The following LVRN variants were observed in gnomAD, a reference collection of about 807,000 sequenced individuals.
The protein encoded by LVRN is laeverin, also known as aminopeptidase Q.
In LVRN, 99 loss-of-function variants were observed where a neutral mutation model predicts 111.4. The ratio of observed to expected loss-of-function variants is 0.89; its 90% CI spans 0.76 to 1.05. The LOEUF is 1.05. Ranked by LOEUF, LVRN falls within the 50% of genes least tolerant of loss-of-function variation. The probability of loss-of-function intolerance (pLI) is 0.00; values close to 1 mark genes in which losing one functional copy is unlikely to be tolerated. For missense variants in LVRN, 1,414 were observed against 1,206.8 expected (o/e 1.17, Z -2.54); for synonymous variants, 488 against 449.5 (o/e 1.09, Z -1.08).
intron 13 of LVRN, among the ~76,000 whole-genome samples, chr5:116,007,379 A>G (rs1001652178): frequency 1.5e-4 from 23 of 152,182 alleles, no homozygotes; most frequent in African/African-American, 5.3e-4. Flanking sequence ...TCATCGGCCC[A>G]TCACACTAAT....
At chr5:115,983,490 T>C in intron 2 of LVRN, 61 bp downstream of exon 2, 4 of 1,500,194 alleles carry the variant, frequency 2.7e-6, no homozygotes, top group Non-Finnish European at 3.6e-6. Context: ...TAATCACATT[T>C]ATACCAGTAG....
At chr5:115,990,255 C>T (rs1240535579) in intron 4 of LVRN, among the ~76,000 whole-genome samples, 2 of 152,066 alleles carry the variant, frequency 1.3e-5, no homozygotes, top group Non-Finnish European at 2.9e-5. Context: ...TGACACTTTC[C>T]CTGTAGGCTA....
chr5:116,017,072 G>A (rs1463757741), intron 18 of LVRN, among the ~76,000 whole-genome samples: 1 of 152,144 alleles, frequency 6.6e-6, no homozygotes, highest in Non-Finnish European at 1.5e-5. Context: ...AGGGCTTTTG[G>A]GGATTTAAGG....
intron 14 of LVRN, among the ~76,000 whole-genome samples, chr5:116,011,962 A>T (rs1377201347): frequency 6.6e-6 from 1 of 152,034 alleles, no homozygotes; most frequent in Non-Finnish European, 1.5e-5. Context: ...AGGAATGTAT[A>T]CTTAGCATGG....
intron 19 of LVRN, among the ~76,000 whole-genome samples, chr5:116,023,158 T>C (rs1207972881): frequency 6.6e-6 from 1 of 152,194 alleles, no homozygotes; most frequent in African/African-American, 2.4e-5. Context: ...TCCTCGCCTA[T>C]GCTTTCAGGT....
chr5:116,012,707 A>G, intron 15 of LVRN, among the ~76,000 whole-genome samples: 1 of 152,234 alleles, frequency 6.6e-6, no homozygotes. Context: ...TTATAGCTCT[A>G]TATTCTCAAA....
intron 10 of LVRN, 38 bp downstream of exon 10, chr5:116,001,277 G>A (rs769936129): frequency 1.5e-5 from 24 of 1,606,800 alleles, no homozygotes; most frequent in Middle Eastern, 1.7e-4. Flanking sequence ...CACCTTCCTT[G>A]GGGTTGAGCT....
Position 116,019,237 on chromosome 5 carries a change from T to C in LVRN, c.2757-3154T>C, listed in dbSNP as rs146687669. Among the ~76,000 whole-genome samples the C allele has an allele frequency of 2.4e-3, 367 of 152,356 alleles. 4 individuals are homozygous for C. The highest frequency in any genetic ancestry group is 8.7e-3 in the African/African-American group (360 of 41,598). ...ATATCTAAACATAGAAAAGATAATG[T>C]GCTAAAAGGCATTGTGCTACAATGT... is the stretch of plus-strand genomic sequence containing the variant. On this transcript the variant is annotated intron_variant, in intron 18 of 19. Coordinates refer to ENST00000357872, the MANE Select transcript of LVRN (RefSeq NM_173800.5).
intron 14 of LVRN, 28 bp from the exon 15 acceptor site, chr5:116,012,346 A>T (rs533455999): frequency 1.6e-6 from 2 of 1,230,398 alleles, no homozygotes; most frequent in South Asian, 2.6e-5. Context: ...AGCCAGAACT[A>T]ACAGTGTATT....
chr5:116,004,846 A>G (rs1265473423), intron 12 of LVRN, among the ~76,000 whole-genome samples: 4 of 152,234 alleles, frequency 2.6e-5, no homozygotes, highest in Admixed American at 2.0e-4. Context: ...CAGAGGCCTG[A>G]CACAATTCAG....
chr5:115,966,886 C>G (rs1256346253), intron 1 of LVRN, among the ~76,000 whole-genome samples: 1 of 152,150 alleles, frequency 6.6e-6, no homozygotes, highest in African/African-American at 2.4e-5. Context: ...TTGCATGTCT[C>G]CAATGACTAA....
intron 1 of LVRN, among the ~76,000 whole-genome samples, chr5:115,967,255 T>C (rs1753223145): frequency 1.3e-5 from 2 of 152,242 alleles, no homozygotes; most frequent in South Asian, 4.1e-4. Flanking sequence ...AGATTTTCTA[T>C]GTTGTCTTCC....
At chr5:115,970,614 T>C (rs1753304267) in intron 1 of LVRN, among the ~76,000 whole-genome samples, 1 of 152,202 alleles carries the variant, frequency 6.6e-6, no homozygotes, top group Non-Finnish European at 1.5e-5. Context: ...CTCGATATTC[T>C]GACCTTGTGA....
chr5:116,011,233 A>G (rs561971903), intron 14 of LVRN, among the ~76,000 whole-genome samples: 11 of 150,598 alleles, frequency 7.3e-5, no homozygotes, highest in African/African-American at 2.2e-4. Context: ...ATTAGCAACT[A>G]TTTTCCTAAG....
At chr5:115,991,442 C>G (rs1343650427) in intron 4 of LVRN, among the ~76,000 whole-genome samples, 1 of 152,152 alleles carries the variant, frequency 6.6e-6, no homozygotes. Flanking sequence ...TATCTATTAG[C>G]CTATTTAAGG....
At chr5:116,025,518 A>G (rs1421121101) in intron 19 of LVRN, among the ~76,000 whole-genome samples, 2 of 152,252 alleles carry the variant, frequency 1.3e-5, no homozygotes, top group African/African-American at 2.4e-5. Context: ...AATTCAGCCA[A>G]TGTACAAATT....
chr5:116,023,746 A>G (rs1748805417), intron 19 of LVRN: 1 of 152,254 alleles, frequency 6.6e-6, no homozygotes, highest in African/African-American at 2.4e-5. Flanking sequence ...ACCCAGTAGC[A>G]TAGGTAAAAT....
intron 6 of LVRN, among the ~76,000 whole-genome samples, chr5:115,998,074 T>G (rs1748158501): frequency 6.6e-6 from 1 of 152,224 alleles, no homozygotes; most frequent in South Asian, 2.1e-4. Context: ...TCATTAAAAC[T>G]GGTTAAAACA....
rs1323582679 is a variant in LVRN at position 116,001,323 on chromosome 5, C to T, written c.1820+84C>T. On this transcript the variant is annotated intron_variant, in intron 10 of 19. Coordinates refer to ENST00000357872, the MANE Select transcript of LVRN (RefSeq NM_173800.5). ...GGAATCCAGCCTGTGGGTGAAGAAG[C>T]GTTACCCCCGCTGGGCATACACACT... 39 of 1,462,224 alleles carry T rather than the reference C, an allele frequency of 2.7e-5. 1 individual carries two copies. In the South Asian group the frequency reaches 3.1e-4, roughly 12 times the overall value. 90.6% of individuals were successfully genotyped at this position (1,462,224 alleles called of 1,614,324 possible). A position where few individuals can be genotyped will look rare whatever the true frequency, so the allele number is the denominator to read the frequency against.
Sources: gnomAD v4.1 joint callset for allele counts (sites outside exome capture counted in the v4.1 genomes callset) on GRCh38, gnomAD v4.1.1 for gene constraint, MANE v1.5 for transcripts, NCBI Gene and HGNC (gene_info 2026-07-23, HGNC 2026-07-21) for gene names.